Variants in GYS1 observed in about 807,000 individuals in gnomAD.
GYS1 encodes the protein glycogen synthase 1, also known as glycogen [starch] synthase, muscle.
GYS1 carries 60 observed loss-of-function variants against 89.1 expected under a neutral mutation model. The observed-to-expected ratio is 0.67, with a 90% confidence interval of 0.55 to 0.84. The LOEUF is 0.84. Ranked by LOEUF, GYS1 falls within the 40% of genes least tolerant of loss-of-function variation. The pLI is 0.00. For synonymous variants in GYS1, 366 were observed against 401.7 expected (o/e 0.91, Z 1.06); for missense variants, 888 against 1,003.1 (o/e 0.89, Z 1.55).
At position 48,991,357 on chromosome 19, in the gene GYS1, G is replaced by C; in HGVS notation, c.245C>G (p.Ala82Gly). Residue 82 changes from alanine to glycine, a missense_variant, in exon 2 of 16, where the codon GCC becomes GGC. Coordinates refer to ENST00000323798, the MANE Select transcript of GYS1 (RefSeq NM_002103.5). This position sits in a 1 kb window ranked among gnomAD's most constrained non-coding sequence, Gnocchi z 4.7. ...GVRTQVELLE[A>G]PTPALKRTLD... is the part of the protein sequence containing the mutation. ...TGTCCTCTTCAGGGCCGGGGTGGGG[G>C]CCTCCAGCAGTTCCACCTGGGTCCT... 1 of 1,614,112 alleles carries C rather than the reference G, an allele frequency of 6.2e-7. No individual in the cohort carries two copies. The highest frequency in any genetic ancestry group is 1.3e-5 in the African/African-American group (1 of 75,066).
chr19:48,975,825 C>T (rs12983688), intron 10 of GYS1, among the ~76,000 whole-genome samples: 2 of 144,764 alleles, frequency 1.4e-5, no homozygotes, highest in African/African-American at 2.6e-5. Context: ...GGCAGGAGAA[C>T]GGCATGAATC....
At chr19:48,972,959 C>T (rs1369116061) in intron 12 of GYS1, among the ~76,000 whole-genome samples, 1 of 152,024 alleles carries the variant, frequency 6.6e-6, no homozygotes, top group Admixed American at 6.6e-5. Context: ...AGAGTAATAA[C>T]CCCATCTCAA....
chr19:48,970,845 G>A, intron 13 of GYS1, 83 bp downstream of exon 13: 2 of 1,406,552 alleles, frequency 1.4e-6, no homozygotes, highest in Non-Finnish European at 2.0e-6. Flanking sequence ...TGGTCTCCAA[G>A]GGTGCAAGCT....
intron 11 of GYS1, 62 bp downstream of exon 11, chr19:48,974,557 AG>A (rs2038614775): frequency 8.7e-7 from 1 of 1,151,360 alleles, no homozygotes. Flanking sequence ...GGAGTGTGTG[AG>A]GCCCAGGACC....
Position 48,991,525 on chromosome 19 carries a change from C to T in GYS1, c.119-42G>A, listed in dbSNP as rs763257125. On this transcript the variant is annotated intron_variant, in intron 1 of 15. Transcript: ENST00000323798. This position sits in a 1 kb window ranked among gnomAD's most constrained non-coding sequence, Gnocchi z 4.7. Reference sequence around the variant, plus strand: ...GTGAGGGCAGGCCCCGGCCGAGGTCCATAGTTCTGGGGCCTGGGGTGGGGT... The same window carrying T: ...GTGAGGGCAGGCCCCGGCCGAGGTCTATAGTTCTGGGGCCTGGGGTGGGGT... The T allele has an allele frequency of 2.6e-5, 25 of 948,186 alleles. No homozygotes were observed. The East Asian group carries it at 9.0e-4, about 34-fold the overall frequency. The allele number at this position is 948,186 out of a possible 1,614,324, so 58.7% of individuals were successfully genotyped here.
In GYS1 at chr19:48,975,844, G is replaced by A. The variant is rs868725196; in HGVS notation, c.1309-1111C>T. Among the ~76,000 whole-genome samples, 14 of 149,672 alleles carry A rather than the reference G, an allele frequency of 9.4e-5. No individual in the cohort carries two copies. In the South Asian group the frequency reaches 1.1e-3, roughly 11 times the overall value. ...GGAGAACGGCATGAATCCGGGAGGC[G>A]GAGGTTGAAGTGAGCCAAGATCGCG... On this transcript the variant is annotated intron_variant, in intron 10 of 15. Transcript: ENST00000323798.
At position 48,969,826 on chromosome 19, in the gene GYS1, C is replaced by G. The variant is rs1438135162; in HGVS notation, c.1839G>C (p.Leu613=). 2.0e-5 allele frequency: 32 copies of G among 1,613,914 alleles called. No homozygotes were observed. The highest frequency in any genetic ancestry group is 2.7e-5 in the Non-Finnish European group (32 of 1,179,946). ...TGAAGTGCTCTGGAAAGGCCTTGGACAGCGCCATGTGGCGCGCAGACATAT... is the reference window on the plus strand; with the variant it reads ...TGAAGTGCTCTGGAAAGGCCTTGGAGAGCGCCATGTGGCGCGCAGACATAT... The part of the protein sequence containing the change: ...RYYMSARHMA[L]SKAFPEHFTY... The change falls in exon 15 of 16, where the codon CTG becomes CTC. Residue 613 remains leucine, a synonymous_variant. Transcript: ENST00000323798.
At chr19:48,974,760 G>T (rs760293373) in intron 10 of GYS1, 27 bp from the exon 11 acceptor site, 14 of 1,471,884 alleles carry the variant, frequency 9.5e-6, no homozygotes, top group Non-Finnish European at 1.3e-5. Flanking sequence ...AAGGGTAAGG[G>T]GTCATGGAAG....
chr19:48,991,535 G>A lies in GYS1; in HGVS notation c.119-52C>T. 1 of 1,600,854 alleles carries A rather than the reference G, an allele frequency of 6.2e-7. No individual in the cohort carries two copies. On this transcript the variant is annotated intron_variant, in intron 1 of 15. Transcript: ENST00000323798. The surrounding 1 kb of genome is among the most constrained non-coding windows in gnomAD (Gnocchi z 4.7). ...GCCCCGGCCGAGGTCCATAGTTCTG[G>A]GGCCTGGGGTGGGGTGGGCCGGGGA...
In GYS1 at chr19:48,993,073, C is replaced by G. The variant is rs753758690; in HGVS notation, c.40G>C (p.Gly14Arg). 6 of 1,613,240 alleles carry G rather than the reference C, an allele frequency of 3.7e-6. No homozygotes were observed. The highest frequency in any genetic ancestry group is 5.1e-6 in the Non-Finnish European group (6 of 1,179,240). ...AATTCATCCTCCCAGTCCTCCAGTCCTGGCAGTGAGGACATGGACAAAGTG... is the reference window on the plus strand; with the variant it reads ...AATTCATCCTCCCAGTCCTCCAGTCGTGGCAGTGAGGACATGGACAAAGTG... Reference protein sequence around the residue: ...NRTLSMSSLPGLEDWEDEFDL... With the variant: ...NRTLSMSSLPRLEDWEDEFDL... Residue 14 changes from glycine to arginine, a missense_variant, in exon 1 of 16, where the codon GGA becomes CGA. Gly to Arg is a moderately radical substitution (Grantham distance 125, BLOSUM62 -2). Transcript: ENST00000323798.
In GYS1 at chr19:48,968,917, A is replaced by G. The variant is rs1462238223; in HGVS notation, c.*371T>C. ...CGTGGCCTGCTCTGTATGCTGTAGA[A>G]TTTGTAAGCCACACGGGGGGCTCTA... On this transcript the variant is annotated 3_prime_UTR_variant, in exon 16 of 16. Transcript: ENST00000323798. The G allele has an allele frequency of 4.0e-6, 2 of 495,658 alleles. No homozygotes were observed. Among genetic ancestry groups the G allele is most frequent in the South Asian group, 3.1e-5 (2 of 64,820 alleles). The allele number at this position is 495,658 out of a possible 1,614,324, so 30.7% of individuals were successfully genotyped here.
At chr19:48,970,423 T>C in intron 14 of GYS1, 123 bp downstream of exon 14, 1 of 835,114 alleles carries the variant, frequency 1.2e-6, no homozygotes, top group Non-Finnish European at 2.0e-6. Context: ...GCGATCGGCC[T>C]GGTTCATTGC....
chr19:48,982,542 A>C (rs187266988), intron 6 of GYS1, among the ~76,000 whole-genome samples, 167 bp from the exon 7 acceptor site: 56 of 152,126 alleles, frequency 3.7e-4, no homozygotes, highest in African/African-American at 1.2e-3. Context: ...TTAGATGGAG[A>C]TTTCCTTTAA....
intron 11 of GYS1, 117 bp from the exon 12 acceptor site, chr19:48,974,456 A>C (rs1408827751): frequency 1.6e-6 from 2 of 1,258,700 alleles, no homozygotes; most frequent in Admixed American, 3.7e-5. Flanking sequence ...TGTGTTTGGC[A>C]GGACCAATGT....
At position 48,991,650 on chromosome 19, in the gene GYS1, T is replaced by C; in HGVS notation, c.119-167A>G. On this transcript the variant is annotated intron_variant, in intron 1 of 15. Transcript: ENST00000323798. The surrounding 1 kb of genome is among the most constrained non-coding windows in gnomAD (Gnocchi z 4.7). ...TTGGAGTAGGGGTTGGAAGCTTGGA[T>C]GAGGGGAACACGAGGGCTGGAGGGC... The C allele has an allele frequency of 1.4e-6, 1 of 697,714 alleles. No homozygotes were observed. The highest frequency in any genetic ancestry group is 2.4e-6 in the Non-Finnish European group (1 of 410,890). 43.2% of individuals were successfully genotyped at this position (697,714 alleles called of 1,614,324 possible). A position where few individuals can be genotyped will look rare whatever the true frequency, so the allele number is the denominator to read the frequency against.
At chr19:48,976,320 C>T (rs2038649915) in intron 10 of GYS1, among the ~76,000 whole-genome samples, 1 of 152,076 alleles carries the variant, frequency 6.6e-6, no homozygotes, top group Non-Finnish European at 1.5e-5. Context: ...AGTCCCTGGA[C>T]CCCAGAGAAT....
intron 1 of GYS1, 31 bp downstream of exon 1, chr19:48,992,964 C>T (rs1188718680): frequency 2.3e-6 from 3 of 1,284,410 alleles, no homozygotes; most frequent in African/African-American, 1.5e-5. Flanking sequence ...CTGTCCTTCT[C>T]GTCAAGGGCC....
chr19:48,978,530 TTTATTA>T lies in GYS1; in HGVS notation c.1170-379_1170-374del, dbSNP rs71294392. On this transcript the variant is annotated intron_variant, in intron 8 of 15. Transcript: ENST00000323798. ...TTGAGCCACTGTGCCCAGCAGTTTA[TTTATTA>T]TTATTATTATTATTATTGACAGAGT... Among the ~76,000 whole-genome samples, 11 of 146,728 alleles carry T rather than the reference TTTATTA, an allele frequency of 7.5e-5. No homozygotes were observed. The East Asian group carries it at 1.0e-3, about 14-fold the overall frequency.
intron 8 of GYS1, among the ~76,000 whole-genome samples, chr19:48,979,265 C>T (rs12980441): frequency 0.37 from 55,981 of 150,682 alleles, 10,498 homozygotes; most frequent in Middle Eastern, 0.52. Context: ...GGTCACTCCT[C>T]CACTTAAAAT....
Sources: allele counts gnomAD v4.1 joint callset (sites outside exome capture counted in the v4.1 genomes callset), GRCh38; gene constraint gnomAD v4.1.1; non-coding constraint Gnocchi (gnomAD v3.1); transcripts MANE v1.5; gene names NCBI Gene and HGNC (gene_info 2026-07-23, HGNC 2026-07-21).